Variants in EMC2 observed in about 807,000 individuals in gnomAD.
The protein encoded by EMC2 is ER membrane protein complex subunit 2, also known as TPR repeat protein 35.
EMC2 carries 37 observed loss-of-function variants against 51.6 expected under a neutral mutation model. That is an observed-to-expected ratio of 0.72 (90% CI 0.55 to 0.94). The LOEUF (loss-of-function observed/expected upper bound fraction) is 0.94, where lower values mean the gene tolerates loss of function less well. Among genes scored for constraint, EMC2 ranks in the 40% least tolerant of loss-of-function variants. EMC2 has a pLI of 0.00. For missense variants in EMC2, 359 were observed against 350.9 expected (o/e 1.02, Z -0.18); for synonymous variants, 131 against 112.4 (o/e 1.17, Z -1.04).
intron 3 of EMC2, among the ~76,000 whole-genome samples, chr8:108,450,779 G>C (rs1818998332): frequency 1.3e-5 from 2 of 152,110 alleles, no homozygotes; most frequent in Admixed American, 1.3e-4. Flanking sequence ...AAATAAGAAA[G>C]TTTAAAACAA....
intron 5 of EMC2, among the ~76,000 whole-genome samples, chr8:108,460,651 A>C (rs1193534031): frequency 1.3e-5 from 2 of 152,212 alleles, no homozygotes; most frequent in African/African-American, 4.8e-5. Context: ...TTTTGTGTTT[A>C]GAGTTGGATC....
intron 5 of EMC2, among the ~76,000 whole-genome samples, chr8:108,461,374 A>G (rs961014693): frequency 2.0e-5 from 3 of 152,218 alleles, no homozygotes; most frequent in Non-Finnish European, 4.4e-5. Context: ...ACAAGGATGA[A>G]TTAGCCTTTT....
chr8:108,464,995 G>A (rs971795107), intron 5 of EMC2, among the ~76,000 whole-genome samples: 2 of 152,104 alleles, frequency 1.3e-5, no homozygotes, highest in Non-Finnish European at 1.5e-5. Flanking sequence ...AGTGAGGCAG[G>A]GGGGAGGTTA....
At chr8:108,447,234 G>T (rs1377060368) in intron 1 of EMC2, among the ~76,000 whole-genome samples, 4 of 138,334 alleles carry the variant, frequency 2.9e-5, no homozygotes, top group Non-Finnish European at 4.6e-5. Context: ...AACAGATGCT[G>T]GAAGAAATCC....
At chr8:108,459,030 C>G (rs1237401825) in intron 5 of EMC2, among the ~76,000 whole-genome samples, 1 of 152,186 alleles carries the variant, frequency 6.6e-6, no homozygotes, top group Non-Finnish European at 1.5e-5. Context: ...TTCCACACAT[C>G]TCTAGGGCAG....
At chr8:108,474,529 A>G (rs1810913224) in intron 7 of EMC2, 1 of 149,126 alleles carries the variant, frequency 6.7e-6, no homozygotes, top group African/African-American at 2.5e-5. Flanking sequence ...AAAGGGCTAA[A>G]TAGCTGCATG....
At chr8:108,451,053 A>C (rs1819006344) in intron 3 of EMC2, among the ~76,000 whole-genome samples, 1 of 152,084 alleles carries the variant, frequency 6.6e-6, no homozygotes, top group Admixed American at 6.6e-5. Flanking sequence ...GATACAAAAA[A>C]TCAGCCAGGC....
chr8:108,456,945 T>C (rs929973054), intron 5 of EMC2, among the ~76,000 whole-genome samples: 1 of 152,220 alleles, frequency 6.6e-6, no homozygotes, highest in African/African-American at 2.4e-5. Context: ...AATTGTTGTA[T>C]TAACACAATA....
intron 5 of EMC2, among the ~76,000 whole-genome samples, chr8:108,464,902 A>G (rs889997309): frequency 1.3e-5 from 2 of 152,176 alleles, no homozygotes; most frequent in African/African-American, 4.8e-5. Context: ...GCTTCTAGGT[A>G]TAAACCTTGG....
intron 5 of EMC2, among the ~76,000 whole-genome samples, chr8:108,468,873 C>T (rs1273735424): frequency 1.3e-5 from 2 of 152,112 alleles, no homozygotes; most frequent in Non-Finnish European, 2.9e-5. Flanking sequence ...GCCAGTACTG[C>T]TTTCTCCTAG....
chr8:108,474,606 TC>T lies in EMC2; in HGVS notation c.510-1275del, dbSNP rs1257305074. ...ATATATATATGTGGTCCTTCATAAATCTAAAATGCTGTAATTATTAGGTAAT... is the reference window on the plus strand; with the variant it reads ...ATATATATATGTGGTCCTTCATAAATTAAAATGCTGTAATTATTAGGTAAT... On this transcript the variant is annotated intron_variant, in intron 7 of 10. Coordinates refer to ENST00000220853, the MANE Select transcript of EMC2 (RefSeq NM_014673.5). 3 of 151,894 alleles carry T rather than the reference TC, an allele frequency of 2.0e-5. No individual in the cohort carries two copies. In the East Asian group the frequency reaches 5.8e-4, roughly 29 times the overall value. 9.4% of individuals were successfully genotyped at this position (151,894 alleles called of 1,614,324 possible).
chr8:108,486,689 A>C lies in EMC2; in HGVS notation c.*91A>C. 2 of 1,257,194 alleles carry C rather than the reference A, an allele frequency of 1.6e-6. No homozygotes were observed. The highest frequency in any genetic ancestry group is 1.1e-6 in the Non-Finnish European group (1 of 930,934). The allele number at this position is 1,257,194 out of a possible 1,614,324, so 77.9% of individuals were successfully genotyped here. A position where few individuals can be genotyped will look rare whatever the true frequency, so the allele number is the denominator to read the frequency against. On this transcript the variant is annotated 3_prime_UTR_variant, in exon 11 of 11. Coordinates refer to ENST00000220853, the MANE Select transcript of EMC2 (RefSeq NM_014673.5). Reference sequence around the variant, plus strand: ...ATTTACTAAATGCTCAGTGCTATTTATATACTACAGTAATTTTCTGTTAAG... The same window carrying C: ...ATTTACTAAATGCTCAGTGCTATTTCTATACTACAGTAATTTTCTGTTAAG...
intron 9 of EMC2, among the ~76,000 whole-genome samples, chr8:108,477,863 T>C (rs776536551): frequency 1.3e-5 from 2 of 152,068 alleles, no homozygotes; most frequent in Non-Finnish European, 2.9e-5. Flanking sequence ...AATCAATAAA[T>C]CCGCACATCA....
chr8:108,459,901 T>C (rs1586181606), intron 5 of EMC2, among the ~76,000 whole-genome samples: 1 of 152,314 alleles, frequency 6.6e-6, no homozygotes, highest in African/African-American at 2.4e-5. Context: ...CTAATGTAGA[T>C]ACTGAGAATA....
chr8:108,483,650 A>G (rs6469191), intron 10 of EMC2, among the ~76,000 whole-genome samples: 25,430 of 152,156 alleles, frequency 0.17, 3,803 homozygotes, highest in African/African-American at 0.4. Context: ...AGTTATTACA[A>G]TGCATGAATC....
At position 108,487,314 on chromosome 8, in the gene EMC2, A is replaced by C. The variant is rs2130427976; in HGVS notation, c.*716A>C. Among the ~76,000 whole-genome samples the C allele has an allele frequency of 6.6e-6, 1 of 152,208 alleles. No homozygotes were observed. The highest frequency in any genetic ancestry group is 2.4e-5 in the African/African-American group (1 of 41,588). On this transcript the variant is annotated 3_prime_UTR_variant, in exon 11 of 11. Coordinates refer to ENST00000220853, the MANE Select transcript of EMC2 (RefSeq NM_014673.5). ...ATTGAATCCTTTAATAGTAAATTAC[A>C]TGAAAGAATATTAAAGAATCATAAA...
intron 1 of EMC2, among the ~76,000 whole-genome samples, chr8:108,446,867 G>A (rs950875267): frequency 3.3e-5 from 5 of 152,152 alleles, no homozygotes; most frequent in Non-Finnish European, 7.4e-5. Context: ...GGTCAGCTAT[G>A]TAAGGTGTAT....
At chr8:108,479,658 AT>A (rs1811012059) in intron 10 of EMC2, among the ~76,000 whole-genome samples, 1 of 152,078 alleles carries the variant, frequency 6.6e-6, no homozygotes, top group African/African-American at 2.4e-5. Context: ...ACATCTTTTT[AT>A]GTCTTTAGCC....
intron 5 of EMC2, among the ~76,000 whole-genome samples, chr8:108,463,673 G>T (rs1352999397): frequency 1.3e-5 from 2 of 152,002 alleles, no homozygotes; most frequent in Non-Finnish European, 2.9e-5. Context: ...TTTCCTCTGT[G>T]CCAAGGGTAA....
Sources: gnomAD v4.1 joint callset for allele counts (sites outside exome capture counted in the v4.1 genomes callset) on GRCh38, gnomAD v4.1.1 for gene constraint, MANE v1.5 for transcripts, NCBI Gene and HGNC (gene_info 2026-07-23, HGNC 2026-07-21) for gene names.